Variants in ADGRL2 observed in about 807,000 individuals in gnomAD.
ADGRL2 encodes the protein calcium-independent alpha-latrotoxin receptor 2.
Under a neutral mutation model 157.4 loss-of-function variants are expected in ADGRL2, and 44 were observed. That is an observed-to-expected ratio of 0.28 (90% CI 0.22 to 0.36). The LOEUF (loss-of-function observed/expected upper bound fraction) is 0.36, where lower values mean the gene tolerates loss of function less well. Among genes scored for constraint, ADGRL2 ranks in the 10% least tolerant of loss-of-function variants. The probability of loss-of-function intolerance (pLI) is 1.00; values close to 1 mark genes in which losing one functional copy is unlikely to be tolerated. For synonymous variants in ADGRL2, 585 were observed against 624.7 expected, an observed-to-expected ratio of 0.94 and a Z score of 0.95; for missense variants, 1,510 against 1,768.9, an observed-to-expected ratio of 0.85 and a Z score of 2.63.
chr1:81,912,948 G>A (rs962707185), intron 3 of ADGRL2, among the ~76,000 whole-genome samples: 2 of 152,146 alleles, frequency 1.3e-5, no homozygotes, highest in African/African-American at 4.8e-5. Flanking sequence ...AATTTATAAA[G>A]TAGGGATAAA....
intron 1 of ADGRL2, among the ~76,000 whole-genome samples, chr1:81,312,785 A>G (rs1027291881): frequency 1.3e-5 from 2 of 152,166 alleles, no homozygotes; most frequent in Admixed American, 6.5e-5. Flanking sequence ...TTTCTAATTG[A>G]TGAGAGGGAT....
chr1:81,742,916 T>C (rs572759631), intron 1 of ADGRL2, among the ~76,000 whole-genome samples: 3 of 152,184 alleles, frequency 2.0e-5, no homozygotes, highest in African/African-American at 7.2e-5. Context: ...TAGTCATCAC[T>C]TAAATTGTTG....
At position 81,447,649 on chromosome 1, in the gene ADGRL2, C is replaced by T. The variant is rs186821722; in HGVS notation, c.-248+2560C>T. On this transcript the variant is annotated intron_variant, in intron 2 of 24. Coordinates refer to the ADGRL2 transcript ENST00000370721. ...CAACTTGAAGAAATGGATGAAGGGACCTCAAAGAAAAAGGCTGATTTTTAG... is the reference window on the plus strand; with the variant it reads ...CAACTTGAAGAAATGGATGAAGGGATCTCAAAGAAAAAGGCTGATTTTTAG... Among the ~76,000 whole-genome samples, 90 of 152,116 alleles carry T rather than the reference C, an allele frequency of 5.9e-4. 1 individual carries two copies. Among genetic ancestry groups the T allele is most frequent in the African/African-American group, 2.1e-3 (86 of 41,506 alleles).
At chr1:81,503,617 T>G (rs2078903994) in intron 2 of ADGRL2, 1 of 847,800 alleles carries the variant, frequency 1.2e-6, no homozygotes, top group African/African-American at 1.7e-5. Flanking sequence ...CTGTCCAGGC[T>G]CCATTCAGGT....
chr1:81,813,571 T>G (rs1557691974), intron 1 of ADGRL2, among the ~76,000 whole-genome samples: 2 of 151,690 alleles, frequency 1.3e-5, no homozygotes, highest in Non-Finnish European at 3.0e-5. Flanking sequence ...TACAGAGCAT[T>G]TTTATAATGG....
chr1:81,966,551 A>G lies in ADGRL2; in HGVS notation c.2291A>G (p.Lys764Arg). Residue 764 changes from lysine to arginine, a missense_variant, in exon 13 of 24, where the codon AAA becomes AGA. Transcript: ENST00000686636. ...CACGTCATTTCAGTTTCAATCAATA[A>G]AGAGTCCAGCCGAGTATACCTGACT... ...NSHVISVSIN[K>R]ESSRVYLTDP... 1.2e-6 allele frequency: 2 copies of G among 1,614,116 alleles called. No individual in the cohort carries two copies. The highest frequency in any genetic ancestry group is 1.7e-6 in the Non-Finnish European group (2 of 1,179,998).
At chr1:81,443,703 T>C (rs901566170) in intron 1 of ADGRL2, among the ~76,000 whole-genome samples, 7 of 152,216 alleles carry the variant, frequency 4.6e-5, no homozygotes, top group African/African-American at 1.7e-4. Flanking sequence ...GGCTTCACCA[T>C]CTCACTGCTT....
intron 2 of ADGRL2, among the ~76,000 whole-genome samples, chr1:81,579,793 A>G (rs1018619986): frequency 1.7e-4 from 26 of 152,114 alleles, no homozygotes; most frequent in African/African-American, 6.0e-4. Flanking sequence ...ATGCAATTTA[A>G]GATCTTTAAA....
intron 2 of ADGRL2, among the ~76,000 whole-genome samples, chr1:81,795,222 T>TA (rs1180689292): frequency 1.3e-5 from 2 of 151,076 alleles, no homozygotes; most frequent in African/African-American, 4.9e-5. Context: ...CTAGAAAAAA[T>TA]AAAAAAAATT....
chr1:81,820,201 A>G (rs937690291), intron 1 of ADGRL2, among the ~76,000 whole-genome samples: 9 of 152,176 alleles, frequency 5.9e-5, no homozygotes, highest in African/African-American at 1.7e-4. Flanking sequence ...TAGGCTCTCA[A>G]TGTATTTTTT....
chr1:81,801,425 C>G (rs1249465653), intron 1 of ADGRL2, among the ~76,000 whole-genome samples: 1 of 152,306 alleles, frequency 6.6e-6, no homozygotes, highest in East Asian at 1.9e-4. Flanking sequence ...CTCTCTCTCT[C>G]CCTCTCGCTC....
rs2080220658 is a variant in ADGRL2, at chr1:81,554,342, G to T, written c.-247-26534G>T. On this transcript the variant is annotated intron_variant, in intron 2 of 24. Coordinates refer to the ADGRL2 transcript ENST00000370721. ...GTTTCACCCCAGTCTCATCAGTCAA[G>T]ATCTCACTATTCTTCTAACCATATG... Among the ~76,000 whole-genome samples, 3 of 152,130 alleles carry T rather than the reference G, an allele frequency of 2.0e-5. No homozygotes were observed. The South Asian group carries it at 6.2e-4, about 32-fold the overall frequency.
At chr1:81,489,591 G>A (rs1244891031) in intron 2 of ADGRL2, among the ~76,000 whole-genome samples, 8 of 145,370 alleles carry the variant, frequency 5.5e-5, no homozygotes, top group Non-Finnish European at 8.9e-5. Context: ...TATGATGAAA[G>A]ACATGAATTT....
At chr1:81,535,150 C>T (rs184978864) in intron 2 of ADGRL2, among the ~76,000 whole-genome samples, 15 of 152,200 alleles carry the variant, frequency 9.9e-5, no homozygotes, top group African/African-American at 3.6e-4. Context: ...AGAAAGAGTT[C>T]TTTTCTGAGG....
At chr1:81,621,504 G>A (rs186828038) in intron 3 of ADGRL2, among the ~76,000 whole-genome samples, 152 of 152,280 alleles carry the variant, frequency 1.0e-3, no homozygotes, top group African/African-American at 3.5e-3. Context: ...GAATACAAGT[G>A]GTGCCTAAGG....
chr1:81,340,538 T>C (rs1048532739), intron 1 of ADGRL2, among the ~76,000 whole-genome samples: 1 of 152,168 alleles, frequency 6.6e-6, no homozygotes, highest in Admixed American at 6.5e-5. Context: ...AAATTACTCA[T>C]TCTAAGAAGC....
chr1:81,778,003 A>G (rs1392947023), intron 2 of ADGRL2, among the ~76,000 whole-genome samples: 2 of 151,798 alleles, frequency 1.3e-5, no homozygotes, highest in Non-Finnish European at 2.9e-5. Context: ...TACAATCATC[A>G]ATCAGTTATG....
intron 2 of ADGRL2, among the ~76,000 whole-genome samples, chr1:81,576,048 C>T (rs1051893960): frequency 4.6e-5 from 7 of 152,046 alleles, no homozygotes; most frequent in African/African-American, 1.4e-4. Flanking sequence ...ATTGATGGAA[C>T]TTATTTTATA....
intron 1 of ADGRL2, among the ~76,000 whole-genome samples, chr1:81,313,898 A>T (rs189051867): frequency 6.6e-6 from 1 of 152,060 alleles, no homozygotes; most frequent in Non-Finnish European, 1.5e-5. Context: ...CTCCCAAAAC[A>T]TCTAGTATTG....
Sources: allele counts gnomAD v4.1 joint callset (sites outside exome capture counted in the v4.1 genomes callset), GRCh38; gene constraint gnomAD v4.1.1; transcripts MANE v1.5; gene names NCBI Gene and HGNC (gene_info 2026-07-23, HGNC 2026-07-21).